Variants in PDZK1IP1 observed in about 807,000 individuals in gnomAD.
The protein encoded by PDZK1IP1 is PDZK1 interacting protein 1.
Under a neutral mutation model 14.7 loss-of-function variants are expected in PDZK1IP1, and 9 were observed. The ratio of observed to expected loss-of-function variants is 0.61; its 90% CI spans 0.37 to 1.07. The LOEUF (loss-of-function observed/expected upper bound fraction) is 1.07, where lower values mean the gene tolerates loss of function less well. Ranked by LOEUF, PDZK1IP1 falls within the 50% of genes least tolerant of loss-of-function variation. The pLI is 0.01. For missense variants in PDZK1IP1, 152 were observed against 148.7 expected, an observed-to-expected ratio of 1.02 and a Z score of -0.11; for synonymous variants, 70 against 61.2, an observed-to-expected ratio of 1.14 and a Z score of -0.67.
intron 1 of PDZK1IP1, 25 bp downstream of exon 1, chr1:47,189,841 G>A: frequency 1.3e-6 from 2 of 1,568,442 alleles, no homozygotes; most frequent in South Asian, 1.2e-5. Context: ...GGTCTCCCGT[G>A]CCCAGCCCTC....
At chr1:47,187,237 A>T in intron 2 of PDZK1IP1, 82 bp downstream of exon 2, 1 of 927,302 alleles carries the variant, frequency 1.1e-6, no homozygotes, top group Admixed American at 1.9e-5. Context: ...AGGGTTTCTG[A>T]GGCCCTTCTC....
At chr1:47,184,857 A>G in intron 3 of PDZK1IP1, 145 bp downstream of exon 3, 4 of 668,158 alleles carry the variant, frequency 6.0e-6, no homozygotes, top group South Asian at 1.7e-5. Context: ...GAGCCCTGCA[A>G]TCCTCACAAA....
chr1:47,183,987 C>A lies in PDZK1IP1; in HGVS notation c.329G>T (p.Arg110Leu), dbSNP rs747415599. 4 of 1,597,572 alleles carry A rather than the reference C, an allele frequency of 2.5e-6. No individual in the cohort carries two copies. In the Admixed American group the frequency reaches 5.2e-5, roughly 21 times the overall value. ...ENVPEEEGKVRSTPM is the reference protein window; with the variant it reads ...ENVPEEEGKVLSTPM ...CAGAGAAGGTTACATCGGGGTGCTG[C>A]GGACCTTGCCTTCCTCCTCGGGCAC... is the stretch of plus-strand genomic sequence containing the variant. Residue 110 changes from arginine to leucine, a missense_variant, in exon 4 of 4, where the codon CGC (arginine) becomes CTC (leucine). Coordinates refer to ENST00000294338, the MANE Select transcript of PDZK1IP1 (RefSeq NM_005764.4).
At chr1:47,188,155 C>T (rs145502732) in intron 1 of PDZK1IP1, among the ~76,000 whole-genome samples, 16 of 152,278 alleles carry the variant, frequency 1.1e-4, no homozygotes, top group African/African-American at 3.4e-4. Flanking sequence ...GAGGCCCCAA[C>T]CTGCACCCTT....
intron 2 of PDZK1IP1, among the ~76,000 whole-genome samples, chr1:47,186,332 AAC>A (rs1456373891): frequency 3.3e-5 from 5 of 150,648 alleles, no homozygotes; most frequent in African/African-American, 1.2e-4. Context: ...AAAAAAAAAA[AAC>A]TTGTCACTGG....
Position 47,187,417 on chromosome 1 carries a change from GT to G in PDZK1IP1, c.77del (p.Asn26ThrfsTer39), listed in dbSNP as rs775178511. On this transcript the variant is annotated frameshift_variant, in exon 2 of 4. Coordinates refer to ENST00000294338, the MANE Select transcript of PDZK1IP1 (RefSeq NM_005764.4). LOFTEE classifies it high-confidence loss of function. ...TAAGGCCCTGCATCCAGGGCTGAAGGTTCCCCAGGCCTAACAAAGGGAGAGG... is the reference window on the plus strand; with the variant it reads ...TAAGGCCCTGCATCCAGGGCTGAAGGTCCCCAGGCCTAACAAAGGGAGAGG... ...PPASCQQGLGNLQPWMQGLIA... is the reference protein window; with the variant it reads ...PPASCQQGLGXLQPWMQGLIA... 6.2e-6 allele frequency: 10 copies of G among 1,612,504 alleles called. No homozygotes were observed. In the East Asian group the frequency reaches 2.2e-4, roughly 36 times the overall value.
At chr1:47,189,750 A>C (rs1645341299) in intron 1 of PDZK1IP1, 116 bp downstream of exon 1, 1 of 669,732 alleles carries the variant, frequency 1.5e-6, no homozygotes, top group South Asian at 2.1e-5. Context: ...TCTTTCAGCT[A>C]GCGCAGTCCC....
chr1:47,186,042 G>A (rs555405755), intron 2 of PDZK1IP1, among the ~76,000 whole-genome samples: 2 of 152,288 alleles, frequency 1.3e-5, no homozygotes, highest in African/African-American at 4.8e-5. Context: ...AGGGCATGGT[G>A]GCTCACACCT....
intron 2 of PDZK1IP1, 35 bp downstream of exon 2, chr1:47,187,284 C>G (rs755538552): frequency 4.0e-6 from 6 of 1,495,738 alleles, no homozygotes; most frequent in Admixed American, 1.7e-5. Context: ...CCTGGGCCCA[C>G]CCTGCCTGCT....
chr1:47,188,416 C>T (rs915753877), intron 1 of PDZK1IP1, among the ~76,000 whole-genome samples: 1 of 152,242 alleles, frequency 6.6e-6, no homozygotes, highest in African/African-American at 2.4e-5. Context: ...CCCAGCATCA[C>T]TGCACTCCAT....
At position 47,185,097 on chromosome 1, in the gene PDZK1IP1, C is replaced by T. The variant is rs774835877; in HGVS notation, c.177G>A (p.Pro59=). 6 of 1,612,606 alleles carry T rather than the reference C, an allele frequency of 3.7e-6. No homozygotes were observed. The highest frequency in any genetic ancestry group is 5.1e-6 in the Non-Finnish European group (6 of 1,179,576). Residue 59 remains proline (P), a splice_region_variant and synonymous_variant, in exon 3 of 4, where the codon CCG becomes CCA. Coordinates refer to ENST00000294338, the MANE Select transcript of PDZK1IP1 (RefSeq NM_005764.4). The part of the protein sequence containing the change: ...AVNHFWCQEE[P]EPAHMILTVG... ...CGGTCAGGATCATGTGTGCAGGCTC[C>T]CTGGGGATGGGATTCATCAGTGGGG...
intron 2 of PDZK1IP1, among the ~76,000 whole-genome samples, chr1:47,185,677 G>T (rs1469763628): frequency 6.6e-6 from 1 of 152,090 alleles, no homozygotes; most frequent in East Asian, 1.9e-4. Context: ...CTTAGCAGTT[G>T]CCCCTATGTC....
At position 47,189,974 on chromosome 1, in the gene PDZK1IP1, T is replaced by C. The variant is rs375279678; in HGVS notation, c.-42A>G. The stretch of plus-strand genomic sequence containing the variant: ...AGCCTTGCTTCTGGCCGCCGGTGTC[T>C]GGGCTCCTGGAGCTGCTGTGGAGTC... On this transcript the variant is annotated 5_prime_UTR_variant, in exon 1 of 4. Coordinates refer to ENST00000294338, the MANE Select transcript of PDZK1IP1 (RefSeq NM_005764.4). 6.0e-6 allele frequency: 9 copies of C among 1,499,638 alleles called. No homozygotes were observed. In the South Asian group the frequency reaches 6.2e-5, roughly 10 times the overall value. The allele number at this position is 1,499,638 out of a possible 1,614,324, so 92.9% of individuals were successfully genotyped here.
At chr1:47,189,509 G>A (rs1427631155) in intron 1 of PDZK1IP1, among the ~76,000 whole-genome samples, 1 of 152,180 alleles carries the variant, frequency 6.6e-6, no homozygotes, top group Non-Finnish European at 1.5e-5. Flanking sequence ...AAGAGGCCGA[G>A]ACAAAGCCCA....
chr1:47,186,786 G>A (rs1413439924), intron 2 of PDZK1IP1, among the ~76,000 whole-genome samples: 2 of 152,206 alleles, frequency 1.3e-5, no homozygotes, highest in Admixed American at 1.3e-4. Context: ...AATGTGCAAT[G>A]GGGAAGCCTT....
In PDZK1IP1 at chr1:47,184,031, A is replaced by G. The variant is rs1569850660; in HGVS notation, c.285T>C (p.His95=). 3 of 1,581,066 alleles carry G rather than the reference A, an allele frequency of 1.9e-6. No homozygotes were observed. Among genetic ancestry groups the G allele is most frequent in the South Asian group, 1.1e-5 (1 of 87,214 alleles). Residue 95 remains histidine, a synonymous_variant, in exon 4 of 4, where the codon CAT becomes CAC. Coordinates refer to ENST00000294338, the MANE Select transcript of PDZK1IP1 (RefSeq NM_005764.4). ...SMAASFRSSE[H]ENAYENVPEE... ...CGGGCACATTCTCATAGGCATTCTC[A>G]TGCTCACTGGACCTGAAAGAAGAAG...
chr1:47,187,203 AGC>A (rs10549555), intron 2 of PDZK1IP1, 114 bp downstream of exon 2: 496,519 of 731,682 alleles, frequency 0.68, 171,260 homozygotes, highest in Middle Eastern at 0.74. Context: ...CCTTCCCTTG[AGC>A]CTCAGGGGGA....
Position 47,183,692 on chromosome 1 carries a change from G to C in PDZK1IP1, c.*279C>G, listed in dbSNP as rs954539986. 4.2e-6 allele frequency: 2 copies of C among 471,112 alleles called. No individual in the cohort carries two copies. The highest frequency in any genetic ancestry group is 3.9e-5 in the African/African-American group (2 of 50,726). The allele number at this position is 471,112 out of a possible 1,614,324, so 29.2% of individuals were successfully genotyped here. ...CATTTCCATAGTTATGGGGAAGGAC[G>C]TGTGAGCAGGATGGGAGGTGCTCAG... is the stretch of plus-strand genomic sequence containing the variant. On this transcript the variant is annotated 3_prime_UTR_variant, in exon 4 of 4. Transcript: ENST00000294338.
intron 1 of PDZK1IP1, 104 bp downstream of exon 1, chr1:47,189,762 G>A: frequency 3.8e-6 from 3 of 793,066 alleles, no homozygotes; most frequent in Non-Finnish European, 5.8e-6. Flanking sequence ...CGCAGTCCCT[G>A]CTCCCCCTCC....
Sources: allele counts gnomAD v4.1 joint callset (sites outside exome capture counted in the v4.1 genomes callset), GRCh38; gene constraint gnomAD v4.1.1; transcripts MANE v1.5; gene names NCBI Gene and HGNC (gene_info 2026-07-23, HGNC 2026-07-21).